Variants in ZFAND3 observed in about 807,000 individuals in gnomAD.
The protein encoded by ZFAND3 is zinc finger AN1-type containing 3.
A neutral mutation model predicts 29.6 loss-of-function variants in ZFAND3; 10 were observed. That is an observed-to-expected ratio of 0.34 (90% CI 0.21 to 0.57). The LOEUF (loss-of-function observed/expected upper bound fraction) is 0.57, where lower values mean the gene tolerates loss of function less well. Among genes scored for constraint, ZFAND3 ranks in the 20% least tolerant of loss-of-function variants. The pLI is 0.86. For missense variants in ZFAND3, 230 were observed against 304.5 expected, an observed-to-expected ratio of 0.76 and a Z score of 1.82; for synonymous variants, 128 against 112.6, an observed-to-expected ratio of 1.14 and a Z score of -0.87.
chr6:37,903,460 G>C (rs573921040), intron 1 of ZFAND3, among the ~76,000 whole-genome samples: 369 of 152,248 alleles, frequency 2.4e-3, no homozygotes, highest in Non-Finnish European at 4.5e-3. Flanking sequence ...TCCATTTTCT[G>C]AATTTTCTAA....
chr6:38,100,977 C>T (rs906237043), intron 4 of ZFAND3, among the ~76,000 whole-genome samples: 1 of 152,066 alleles, frequency 6.6e-6, no homozygotes, highest in Non-Finnish European at 1.5e-5. Context: ...TTCTTAAAAT[C>T]GGAATTATTT....
At chr6:38,141,550 A>G (rs922921821) in intron 5 of ZFAND3, among the ~76,000 whole-genome samples, 6 of 152,242 alleles carry the variant, frequency 3.9e-5, no homozygotes, top group Admixed American at 2.0e-4. Flanking sequence ...ATATCTTCAG[A>G]AATTTTTACT....
intron 5 of ZFAND3, among the ~76,000 whole-genome samples, chr6:38,147,484 T>C (rs1366293381): frequency 6.6e-6 from 1 of 152,246 alleles, no homozygotes; most frequent in Non-Finnish European, 1.5e-5. Context: ...ATATTGACTT[T>C]TTTTCCTTTG....
intron 1 of ZFAND3, among the ~76,000 whole-genome samples, chr6:37,917,266 C>A (rs558245367): frequency 2.0e-5 from 3 of 152,154 alleles, no homozygotes; most frequent in Admixed American, 2.0e-4. Context: ...AGAATGTTAG[C>A]GGTCATTGGT....
chr6:37,997,069 G>A (rs532462239), intron 2 of ZFAND3, among the ~76,000 whole-genome samples: 93 of 152,260 alleles, frequency 6.1e-4, no homozygotes, highest in African/African-American at 1.8e-3. Flanking sequence ...CCTTTATTAT[G>A]TGAATTAGGT....
At chr6:38,089,082 C>CA (rs1309644554) in intron 4 of ZFAND3, among the ~76,000 whole-genome samples, 4 of 152,036 alleles carry the variant, frequency 2.6e-5, no homozygotes, top group East Asian at 1.9e-4. Context: ...TTTTTTCCCC[C>CA]AAAAAAGAGA....
At chr6:37,896,259 C>T (rs754561561) in intron 1 of ZFAND3, among the ~76,000 whole-genome samples, 1 of 151,800 alleles carries the variant, frequency 6.6e-6, no homozygotes, top group Non-Finnish European at 1.5e-5. Flanking sequence ...TACAAAAAAC[C>T]GTGGATGAAT....
chr6:38,024,616 C>G (rs539782591), intron 2 of ZFAND3, among the ~76,000 whole-genome samples: 1 of 152,270 alleles, frequency 6.6e-6, no homozygotes, highest in South Asian at 2.1e-4. Context: ...GAATATTACT[C>G]TGCCATGAAA....
At chr6:38,122,213 T>C (rs1281661219) in intron 5 of ZFAND3, among the ~76,000 whole-genome samples, 1 of 152,214 alleles carries the variant, frequency 6.6e-6, no homozygotes, top group Admixed American at 6.5e-5. Flanking sequence ...CCTAAGTCCC[T>C]GATATAAAAT....
intron 1 of ZFAND3, among the ~76,000 whole-genome samples, chr6:37,894,180 A>T (rs1765155282): frequency 6.6e-6 from 1 of 152,060 alleles, no homozygotes; most frequent in Non-Finnish European, 1.5e-5. Flanking sequence ...GCTTGAGCCC[A>T]GGAGGTGGAG....
chr6:37,905,206 T>C (rs1037096578), intron 1 of ZFAND3, among the ~76,000 whole-genome samples: 12 of 152,172 alleles, frequency 7.9e-5, no homozygotes, highest in Non-Finnish European at 1.5e-5. Context: ...TGACAAAATA[T>C]AAATTTTACT....
intron 2 of ZFAND3, among the ~76,000 whole-genome samples, chr6:38,050,169 GGTCTTAA>G (rs1177810766): frequency 2.0e-5 from 3 of 151,812 alleles, no homozygotes; most frequent in Non-Finnish European, 4.4e-5. Context: ...TGCCCAGGCT[GGTCTTAA>G]ACTCCTGACC....
intron 1 of ZFAND3, chr6:37,915,562 CAGAT>C (rs991929372): frequency 6.6e-5 from 10 of 152,134 alleles, no homozygotes; most frequent in Non-Finnish European, 1.2e-4. Context: ...AAATGGGAGA[CAGAT>C]GGAGGAATGG....
intron 1 of ZFAND3, among the ~76,000 whole-genome samples, chr6:37,825,407 T>A (rs1211889555): frequency 6.6e-6 from 1 of 152,258 alleles, no homozygotes; most frequent in African/African-American, 2.4e-5. Context: ...ATGATTTAAA[T>A]TAAGTATTCA....
At chr6:38,148,139 G>A (rs747144522) in intron 5 of ZFAND3, among the ~76,000 whole-genome samples, 13 of 152,236 alleles carry the variant, frequency 8.5e-5, no homozygotes, top group Non-Finnish European at 1.9e-4. Flanking sequence ...TTTGTGTGTG[G>A]TGAAAGATAG....
chr6:37,855,224 A>G (rs1188494339), intron 1 of ZFAND3, among the ~76,000 whole-genome samples: 1 of 149,200 alleles, frequency 6.7e-6, no homozygotes, highest in African/African-American at 2.5e-5. Context: ...GTCTCACGGC[A>G]GCCTCCACCT....
chr6:38,066,555 T>G (rs1466178512), intron 3 of ZFAND3, among the ~76,000 whole-genome samples: 1 of 152,238 alleles, frequency 6.6e-6, no homozygotes, highest in Non-Finnish European at 1.5e-5. Context: ...TTAGTAGTTA[T>G]GGATCCATTG....
chr6:37,826,892 G>C (rs1239872632), intron 1 of ZFAND3, among the ~76,000 whole-genome samples: 1 of 152,182 alleles, frequency 6.6e-6, no homozygotes, highest in Non-Finnish European at 1.5e-5. Flanking sequence ...AGTCACAGTA[G>C]CTACTTTTAA....
chr6:38,052,078 A>T (rs1764038402), intron 2 of ZFAND3, among the ~76,000 whole-genome samples: 1 of 152,264 alleles, frequency 6.6e-6, no homozygotes, highest in South Asian at 2.1e-4. Context: ...TAGATTATAA[A>T]GTAAGTTTAA....
Sources: allele counts gnomAD v4.1 joint callset (sites outside exome capture counted in the v4.1 genomes callset), GRCh38; gene constraint gnomAD v4.1.1; transcripts MANE v1.5; gene names NCBI Gene and HGNC (gene_info 2026-07-23, HGNC 2026-07-21).